CHD9: variants seen among roughly 807,000 people sequenced by gnomAD.
The protein encoded by CHD9 is chromodomain helicase DNA binding protein 9.
CHD9 carries 77 observed loss-of-function variants against 316.1 expected under a neutral mutation model. The observed-to-expected ratio is 0.24, with a 90% confidence interval of 0.20 to 0.29. The LOEUF (loss-of-function observed/expected upper bound fraction) is 0.29. Among genes scored for constraint, CHD9 ranks in the 10% least tolerant of loss-of-function variants. The pLI is 1.00. For synonymous variants in CHD9, 1,129 were observed against 1,158.3 expected, an observed-to-expected ratio of 0.97 and a Z score of 0.51; for missense variants, 2,763 against 3,438.1, an observed-to-expected ratio of 0.80 and a Z score of 4.91.
chr16:53,271,668 T>C (rs2052284609), intron 22 of CHD9, among the ~76,000 whole-genome samples: 1 of 152,004 alleles, frequency 6.6e-6, no homozygotes, highest in South Asian at 2.1e-4. Context: ...TCTTTAACTA[T>C]CATTAATATC....
chr16:53,199,759 T>G (rs773823195), intron 2 of CHD9, among the ~76,000 whole-genome samples: 6 of 152,192 alleles, frequency 3.9e-5, no homozygotes, highest in Non-Finnish European at 8.8e-5. Flanking sequence ...GCTACTTCCA[T>G]CTTGACCATT....
At chr16:53,297,948 G>T (rs2054953890) in intron 30 of CHD9, among the ~76,000 whole-genome samples, 1 of 152,214 alleles carries the variant, frequency 6.6e-6, no homozygotes, top group African/African-American at 2.4e-5. Context: ...AACCATAAAT[G>T]AGGTTAAAAT....
At chr16:53,262,948 G>A in intron 19 of CHD9, 39 bp from the exon 20 acceptor site, 1 of 1,461,812 alleles carries the variant, frequency 6.8e-7, no homozygotes, top group Non-Finnish European at 9.6e-7. Flanking sequence ...AGTGTACTTT[G>A]ATAGATTTTT....
chr16:53,102,737 C>G (rs1477703056), intron 1 of CHD9, among the ~76,000 whole-genome samples: 1 of 152,076 alleles, frequency 6.6e-6, no homozygotes, highest in Non-Finnish European at 1.5e-5. Flanking sequence ...GTAGTCGTAG[C>G]TACTCAGGAG....
chr16:53,276,632 G>C (rs188532270), intron 24 of CHD9, among the ~76,000 whole-genome samples: 18 of 152,180 alleles, frequency 1.2e-4, no homozygotes, highest in Non-Finnish European at 2.5e-4. Context: ...CATGGAACTC[G>C]TTTCTTCTTA....
intron 30 of CHD9, among the ~76,000 whole-genome samples, chr16:53,301,536 C>G (rs930261836): frequency 6.6e-6 from 1 of 152,144 alleles, no homozygotes; most frequent in Non-Finnish European, 1.5e-5. Context: ...TAAGTAGCCA[C>G]AATTATTAAT....
chr16:53,277,672 T>C (rs188488334), intron 24 of CHD9, among the ~76,000 whole-genome samples: 120 of 152,184 alleles, frequency 7.9e-4, no homozygotes, highest in Non-Finnish European at 1.4e-3. Flanking sequence ...TGGAGAAAAG[T>C]TGAAAATATT....
chr16:53,143,187 A>C (rs1449806306), intron 1 of CHD9, among the ~76,000 whole-genome samples: 1 of 152,088 alleles, frequency 6.6e-6, no homozygotes, highest in African/African-American at 2.4e-5. Context: ...GACATATTCA[A>C]ACTATAGCAA....
rs2041290950 is a variant in CHD9, at chr16:53,153,651, C to G, written c.-164-2275C>G. Among the ~76,000 whole-genome samples, 3 of 152,240 alleles carry G rather than the reference C, an allele frequency of 2.0e-5. No individual in the cohort carries two copies. The South Asian group carries it at 6.2e-4, about 32-fold the overall frequency. The stretch of plus-strand genomic sequence containing the variant: ...TCAAGCGATCCTCCCACCTCAGCCC[C>G]CCAAATAGCTGGGACTACAGGAATG... On this transcript the variant is annotated intron_variant, in intron 1 of 38. Transcript: ENST00000447540.
rs146720744 is a variant in CHD9, at chr16:53,289,293, C to T, written c.5247+1279C>T. Reference sequence around the variant, plus strand: ...AAAAGGCTGAGGGCAGTGTGGCTCACGCCTGTAATCCCAGCACTTTGGAGG... The same window carrying T: ...AAAAGGCTGAGGGCAGTGTGGCTCATGCCTGTAATCCCAGCACTTTGGAGG... On this transcript the variant is annotated intron_variant, in intron 27 of 38. Transcript: ENST00000447540. 1.3e-3 allele frequency among the ~76,000 whole-genome samples: 195 copies of T among 152,196 alleles called. 1 individual carries two copies. The highest frequency in any genetic ancestry group is 4.3e-3 in the African/African-American group (180 of 41,532).
At chr16:53,300,284 C>T (rs112411389) in intron 30 of CHD9, among the ~76,000 whole-genome samples, 5,771 of 151,506 alleles carry the variant, frequency 0.038, 391 homozygotes, top group African/African-American at 0.13. Context: ...ACCTGGGAGG[C>T]GGAGATTGCA....
chr16:53,247,260 C>T, intron 15 of CHD9, 33 bp from the exon 16 acceptor site: 1 of 1,457,898 alleles, frequency 6.9e-7, no homozygotes, highest in Non-Finnish European at 9.5e-7. Context: ...TGCATTTGCA[C>T]ATTGCTGTTA....
chr16:53,321,440 A>G, intron 37 of CHD9, 86 bp from the exon 38 acceptor site: 4 of 1,414,472 alleles, frequency 2.8e-6, no homozygotes, highest in Non-Finnish European at 3.7e-6. Context: ...TTTTAAGGAA[A>G]TAAACTCTGT....
At chr16:53,140,223 GA>G (rs2040002807) in intron 1 of CHD9, among the ~76,000 whole-genome samples, 1 of 151,946 alleles carries the variant, frequency 6.6e-6, no homozygotes, top group African/African-American at 2.4e-5. Context: ...TTGGGAGGCC[GA>G]GGTGGGTGGA....
chr16:53,066,212 C>T (rs1026154895), intron 1 of CHD9, among the ~76,000 whole-genome samples: 32 of 152,220 alleles, frequency 2.1e-4, no homozygotes, highest in South Asian at 1.7e-3. Context: ...AATATAGAAT[C>T]GGCAGCATCA....
chr16:53,296,589 C>T (rs374892369), intron 29 of CHD9, among the ~76,000 whole-genome samples: 2 of 151,760 alleles, frequency 1.3e-5, no homozygotes, highest in South Asian at 2.1e-4. Context: ...TACAGGCGCC[C>T]GCCACCATGC....
At chr16:53,079,815 GAGAGCATGGA>G (rs1001850123) in intron 1 of CHD9, among the ~76,000 whole-genome samples, 2 of 152,242 alleles carry the variant, frequency 1.3e-5, no homozygotes, top group African/African-American at 4.8e-5. Context: ...TGCTCCCAGA[GAGAGCATGGA>G]AGCTCTGTCT....
intron 1 of CHD9, among the ~76,000 whole-genome samples, chr16:53,125,827 G>A (rs747894127): frequency 6.6e-6 from 1 of 152,154 alleles, no homozygotes; most frequent in African/African-American, 2.4e-5. Flanking sequence ...AAGTGTATTA[G>A]CTGCATATTC....
At chr16:53,072,982 A>G (rs2034232626) in intron 1 of CHD9, among the ~76,000 whole-genome samples, 1 of 152,196 alleles carries the variant, frequency 6.6e-6, no homozygotes, top group South Asian at 2.1e-4. Flanking sequence ...GGCTTCAGCC[A>G]CCACGCCCGG....
Sources: allele counts gnomAD v4.1 joint callset (sites outside exome capture counted in the v4.1 genomes callset), GRCh38; gene constraint gnomAD v4.1.1; transcripts MANE v1.5; gene names NCBI Gene and HGNC (gene_info 2026-07-23, HGNC 2026-07-21).